The following SP2 variants were observed in gnomAD, a reference collection of about 807,000 sequenced individuals.
SP2 encodes Sp2 transcription factor.
SP2 carries 9 observed loss-of-function variants against 50.1 expected under a neutral mutation model. The observed-to-expected ratio is 0.18, with a 90% CI of 0.11 to 0.31. The LOEUF (loss-of-function observed/expected upper bound fraction) is 0.31. Ranked by LOEUF, SP2 falls within the 10% of genes least tolerant of loss-of-function variation. The probability of loss-of-function intolerance (pLI) is 1.00; values close to 1 mark genes in which losing one functional copy is unlikely to be tolerated. For missense variants in SP2, 581 were observed against 806.5 expected, an observed-to-expected ratio of 0.72 and a Z score of 3.39; for synonymous variants, 313 against 326.6, an observed-to-expected ratio of 0.96 and a Z score of 0.45.
chr17:47,927,913 TG>T lies in SP2; in HGVS notation c.*92del, dbSNP rs1457953306. ...GTGGAAAGGAGCCCTGTGGCTGCCT[TG>T]GGCCTGCCCTCAGCCCCACTCCTGT... is the stretch of plus-strand genomic sequence containing the variant. On this transcript the variant is annotated 3_prime_UTR_variant, in exon 7 of 7. Transcript: ENST00000376741. 175 of 791,030 alleles carry T rather than the reference TG, an allele frequency of 2.2e-4. 3 individuals carry two copies. In the East Asian group the frequency reaches 4.7e-3, roughly 21 times the overall value. 49.0% of individuals were successfully genotyped at this position (791,030 alleles called of 1,614,324 possible).
intron 3 of SP2, among the ~76,000 whole-genome samples, chr17:47,920,039 C>T (rs1263886401): frequency 2.0e-5 from 3 of 151,476 alleles, no homozygotes; most frequent in Non-Finnish European, 4.4e-5. Flanking sequence ...AGGGTTTCAC[C>T]GTGTTGGCCA....
At chr17:47,927,600 G>C (rs1242850053) in intron 6 of SP2, 124 bp from the exon 7 acceptor site, 2 of 607,156 alleles carry the variant, frequency 3.3e-6, no homozygotes, top group African/African-American at 3.7e-5. Context: ...GCAGGAGGTG[G>C]GCAGAATGTG....
chr17:47,929,153 C>T (rs955974126), downstream of SP2, among the ~76,000 whole-genome samples: 2 of 152,232 alleles, frequency 1.3e-5, no homozygotes, highest in Non-Finnish European at 2.9e-5. Context: ...GGCACGAGCC[C>T]CCAGAGCACC....
intron 3 of SP2, among the ~76,000 whole-genome samples, chr17:47,919,825 CTTTTTT>C (rs141856390): frequency 9.5e-5 from 9 of 94,800 alleles, no homozygotes; most frequent in South Asian, 7.8e-4. Flanking sequence ...TTTGTCATTC[CTTTTTT>C]TTTTTTTTTT....
At chr17:47,918,389 G>A (rs947625652) in intron 3 of SP2, 4 of 151,958 alleles carry the variant, frequency 2.6e-5, no homozygotes, top group Admixed American at 1.3e-4. Context: ...ATTTTATGTT[G>A]CCAGGTGATT....
Position 47,921,809 on chromosome 17 carries a change from G to A in SP2, c.1060-1153G>A, listed in dbSNP as rs897913201. Among the ~76,000 whole-genome samples, 5 of 152,294 alleles carry A rather than the reference G, an allele frequency of 3.3e-5. No individual in the cohort carries two copies. The East Asian group carries it at 9.6e-4, about 29-fold the overall frequency. ...TGGAGCATGTGAGTTACAAGCTAAGGCCTGGGTGCTAGGTAAGCTCATTGC... is the reference window on the plus strand; with the variant it reads ...TGGAGCATGTGAGTTACAAGCTAAGACCTGGGTGCTAGGTAAGCTCATTGC... On this transcript the variant is annotated intron_variant, in intron 3 of 6. Transcript: ENST00000376741.
Position 47,916,139 on chromosome 17 carries a change from C to G in SP2, c.85-17C>G. On this transcript the variant is annotated splice_polypyrimidine_tract_variant and intron_variant, in intron 2 of 6. Coordinates refer to ENST00000376741, the MANE Select transcript of SP2 (RefSeq NM_003110.6). The surrounding 1 kb of genome is among the most constrained non-coding windows in gnomAD (Gnocchi z 4.7). ...GGCCTTCCTGTCTCACTCCTTTTCTCTGCTGTTTTTTTGCAGGACTCCCAG... is the reference window on the plus strand; with the variant it reads ...GGCCTTCCTGTCTCACTCCTTTTCTGTGCTGTTTTTTTGCAGGACTCCCAG... 1 of 1,587,104 alleles carries G rather than the reference C, an allele frequency of 6.3e-7. No individual in the cohort carries two copies.
chr17:47,923,721 G>C (rs139226501), intron 4 of SP2, among the ~76,000 whole-genome samples: 1,661 of 152,224 alleles, frequency 0.011, 13 homozygotes, highest in Non-Finnish European at 0.02. Flanking sequence ...TGTAGGGGGA[G>C]CTCTCTGAAT....
At position 47,915,378 on chromosome 17, in the gene SP2, C is replaced by T. The variant is rs1180483507; in HGVS notation, c.74C>T (p.Ser25Phe). ...AGTGACTACCTGCAGCCTGCCGCCT[C>T]CACCACCCAGGCGAGTAGGCAGTGG... ...SPSDYLQPAA[S>F]TTQDSQPSPL... Residue 25 changes from serine to phenylalanine, a missense_variant, in exon 2 of 7, where the codon TCC becomes TTC. By Grantham distance (155) the Ser-to-Phe change is radical. Coordinates refer to ENST00000376741, the MANE Select transcript of SP2 (RefSeq NM_003110.6). 1 of 1,612,844 alleles carries T rather than the reference C, an allele frequency of 6.2e-7. No individual in the cohort carries two copies. Among genetic ancestry groups the T allele is most frequent in the South Asian group, 1.1e-5 (1 of 90,972 alleles).
chr17:47,901,149 CTTTTT>C (rs201921974), intron 1 of SP2, among the ~76,000 whole-genome samples: 1 of 146,380 alleles, frequency 6.8e-6, no homozygotes, highest in African/African-American at 2.5e-5. Flanking sequence ...CCTTCGTTAT[CTTTTT>C]TTTTTTTTTC....
chr17:47,917,250 G>T, intron 3 of SP2, 120 bp downstream of exon 3: 1 of 1,083,882 alleles, frequency 9.2e-7, no homozygotes, highest in South Asian at 1.6e-5. Context: ...GTATCTTTTG[G>T]GGTGGGCAGT....
Position 47,928,176 on chromosome 17 carries a change from G to T in SP2, c.*352G>T. On this transcript the variant is annotated 3_prime_UTR_variant, in exon 7 of 7. Coordinates refer to ENST00000376741, the MANE Select transcript of SP2 (RefSeq NM_003110.6). ...AAAGTGAGCCCCTACCCCCCACCCC[G>T]ATCCCCGCTCCCAACACTGCCGGAG... is the stretch of plus-strand genomic sequence containing the variant. 6.2e-6 allele frequency: 1 copy of T among 161,572 alleles called. No individual in the cohort carries two copies. 10.0% of individuals were successfully genotyped at this position (161,572 alleles called of 1,614,324 possible).
chr17:47,908,059 C>G lies in SP2; in HGVS notation c.8-7253C>G, dbSNP rs182555192. On this transcript the variant is annotated intron_variant, in intron 1 of 6. Transcript: ENST00000376741. The stretch of plus-strand genomic sequence containing the variant: ...TGAGTGACGCTAGGAAAGATACTTG[C>G]AAACATTGGTTTGAGATCTATAGGA... Among the ~76,000 whole-genome samples the G allele has an allele frequency of 8.5e-5, 13 of 152,294 alleles. 1 individual carries two copies. In the South Asian group the frequency reaches 1.7e-3, roughly 19 times the overall value.
rs1463384576 is a variant in SP2 at position 47,928,786 on chromosome 17, TTTAAA to T, written c.*968_*972del. 6.6e-6 allele frequency: 1 copy of T among 152,660 alleles called. No individual in the cohort carries two copies. The highest frequency in any genetic ancestry group is 2.1e-4 in the South Asian group (1 of 4,838). The allele number at this position is 152,660 out of a possible 1,614,324, so 9.5% of individuals were successfully genotyped here. A position where few individuals can be genotyped will look rare whatever the true frequency, so the allele number is the denominator to read the frequency against. On this transcript the variant is annotated 3_prime_UTR_variant, in exon 7 of 7. Transcript: ENST00000376741. ...CACATTGCTTGTTATTTTTGAGGCTTTTAAATTAAACAAAAATCCAACTTTATTTT... is the reference window on the plus strand; with the variant it reads ...CACATTGCTTGTTATTTTTGAGGCTTTTAAACAAAAATCCAACTTTATTTT...
In SP2 at chr17:47,917,142, C is replaced by T. The variant is rs199519024; in HGVS notation, c.1059+12C>T. The T allele has an allele frequency of 1.3e-3, 1,973 of 1,576,796 alleles. 4 individuals are homozygous for T. Among genetic ancestry groups the T allele is most frequent in the Non-Finnish European group, 1.6e-3 (1,827 of 1,161,600 alleles). On this transcript the variant is annotated intron_variant, in intron 3 of 6. Transcript: ENST00000376741. ...CGACACCTACTCAGGTACCACACTC[C>T]CTGTACTGTCCTCCTTCTCCTCCTC...
At chr17:47,919,986 G>A (rs1365123764) in intron 3 of SP2, among the ~76,000 whole-genome samples, 1 of 151,690 alleles carries the variant, frequency 6.6e-6, no homozygotes, top group Non-Finnish European at 1.5e-5. Flanking sequence ...ACAGGCGCGT[G>A]CCACCACGCC....
rs1382618705 is a variant in SP2, at chr17:47,924,297, G to A, written c.1373-622G>A. 3.4e-5 allele frequency among the ~76,000 whole-genome samples: 5 copies of A among 148,744 alleles called. No homozygotes were observed. The South Asian group carries it at 6.6e-4, about 19-fold the overall frequency. Reference sequence around the variant, plus strand: ...ACTACAGGCATGTAGCACCATGCCCGGCCAATTTTTTAGTTTTTTGTAGAG... The same window carrying A: ...ACTACAGGCATGTAGCACCATGCCCAGCCAATTTTTTAGTTTTTTGTAGAG... On this transcript the variant is annotated intron_variant, in intron 4 of 6. Coordinates refer to ENST00000376741, the MANE Select transcript of SP2 (RefSeq NM_003110.6).
chr17:47,902,428 T>A (rs1442462672), intron 1 of SP2, among the ~76,000 whole-genome samples: 1 of 152,148 alleles, frequency 6.6e-6, no homozygotes, highest in African/African-American at 2.4e-5. Context: ...TGGGTCTTAC[T>A]CTGGATGTGT....
At chr17:47,913,764 A>AT (rs2035082353) in intron 1 of SP2, among the ~76,000 whole-genome samples, 1 of 151,866 alleles carries the variant, frequency 6.6e-6, no homozygotes, top group South Asian at 2.1e-4. Flanking sequence ...CCTCAACCTT[A>AT]TTTTTCTTTA....
Sources: gnomAD v4.1 joint callset for allele counts (sites outside exome capture counted in the v4.1 genomes callset) on GRCh38, gnomAD v4.1.1 for gene constraint, Gnocchi (gnomAD v3.1) non-coding constraint, MANE v1.5 for transcripts, NCBI Gene and HGNC (gene_info 2026-07-23, HGNC 2026-07-21) for gene names.